The following GRM7 variants were observed in gnomAD, a reference collection of about 807,000 sequenced individuals.
The protein encoded by GRM7 is glutamate metabotropic receptor 7.
GRM7 carries 35 observed loss-of-function variants against 84.5 expected under a neutral mutation model. The ratio of observed to expected loss-of-function variants is 0.41; its 90% CI spans 0.32 to 0.55. The LOEUF (loss-of-function observed/expected upper bound fraction) is 0.55, where lower values mean the gene tolerates loss of function less well. GRM7 is among the 20% of genes least tolerant of loss of function. The pLI is 0.19. For synonymous variants in GRM7, 487 were observed against 455.1 expected, an observed-to-expected ratio of 1.07 and a Z score of -0.89; for missense variants, 1,003 against 1,194.6, an observed-to-expected ratio of 0.84 and a Z score of 2.36.
intron 7 of GRM7, among the ~76,000 whole-genome samples, chr3:7,534,177 C>A (rs1016908206): frequency 6.6e-6 from 1 of 152,066 alleles, no homozygotes; most frequent in Non-Finnish European, 1.5e-5. Flanking sequence ...CCACGCCTGG[C>A]TAATTTTTGT....
At chr3:7,333,063 T>C (rs1701271413) in intron 4 of GRM7, among the ~76,000 whole-genome samples, 1 of 152,070 alleles carries the variant, frequency 6.6e-6, no homozygotes, top group Non-Finnish European at 1.5e-5. Flanking sequence ...GTCAAGCCAT[T>C]ATAGCAACTC....
intron 1 of GRM7, among the ~76,000 whole-genome samples, chr3:7,054,261 A>G (rs1697127708): frequency 6.7e-6 from 1 of 149,620 alleles, no homozygotes; most frequent in Non-Finnish European, 1.5e-5. Flanking sequence ...TATGATATAT[A>G]TGATATATGA....
At chr3:7,099,668 G>C (rs570115953) in intron 1 of GRM7, among the ~76,000 whole-genome samples, 3 of 88,386 alleles carry the variant, frequency 3.4e-5, no homozygotes, top group African/African-American at 1.3e-4. Context: ...ATATGTACAC[G>C]CATTATACAT....
At position 7,093,977 on chromosome 3, in the gene GRM7, A is replaced by G. The variant is rs1368596295; in HGVS notation, c.520-52475A>G. 2.0e-5 allele frequency among the ~76,000 whole-genome samples: 3 copies of G among 152,100 alleles called. No homozygotes were observed. The East Asian group carries it at 5.8e-4, about 29-fold the overall frequency. ...TTTTCTTGCTATAAACTAATTAGACAGTTTAGGTAGCCATCTTTCCATCTT... is the reference window on the plus strand; with the variant it reads ...TTTTCTTGCTATAAACTAATTAGACGGTTTAGGTAGCCATCTTTCCATCTT... On this transcript the variant is annotated intron_variant, in intron 1 of 9. Coordinates refer to ENST00000357716, the MANE Select transcript of GRM7 (RefSeq NM_000844.4).
intron 1 of GRM7, among the ~76,000 whole-genome samples, chr3:7,014,493 C>T (rs1427541724): frequency 1.3e-5 from 2 of 151,934 alleles, no homozygotes; most frequent in African/African-American, 4.8e-5. Flanking sequence ...AGAGGTGCAC[C>T]ACCACGCCCA....
chr3:6,932,072 C>A (rs755321091), intron 1 of GRM7, among the ~76,000 whole-genome samples: 4 of 152,102 alleles, frequency 2.6e-5, no homozygotes, highest in African/African-American at 4.8e-5. Context: ...TAAAAATAAA[C>A]CTCAATAAAA....
At chr3:7,410,679 C>T (rs145368439) in intron 4 of GRM7, among the ~76,000 whole-genome samples, 6 of 151,608 alleles carry the variant, frequency 4.0e-5, no homozygotes, top group South Asian at 2.1e-4. Context: ...CACACACACA[C>T]GCACATTTTG....
At chr3:7,015,840 G>C (rs772192044) in intron 1 of GRM7, among the ~76,000 whole-genome samples, 2 of 152,194 alleles carry the variant, frequency 1.3e-5, no homozygotes, top group Non-Finnish European at 2.9e-5. Context: ...AAGGAGGCCA[G>C]AGTGCCTTTG....
intron 2 of GRM7, among the ~76,000 whole-genome samples, chr3:7,286,301 T>C (rs1699429351): frequency 6.6e-6 from 1 of 152,202 alleles, no homozygotes; most frequent in Non-Finnish European, 1.5e-5. Context: ...TTGGTATTTG[T>C]CGGGCCAGTT....
intron 8 of GRM7, 111 bp from the exon 9 acceptor site, chr3:7,679,938 G>A (rs1700296189): frequency 2.1e-6 from 2 of 953,214 alleles, no homozygotes; most frequent in Admixed American, 2.3e-5. Flanking sequence ...AAAATGCCCT[G>A]AAGATTGCTT....
chr3:7,381,820 A>G (rs1694603499), intron 4 of GRM7, among the ~76,000 whole-genome samples: 3 of 152,116 alleles, frequency 2.0e-5, no homozygotes, highest in South Asian at 2.1e-4. Flanking sequence ...TCTTAAAGTG[A>G]TAATAATGGG....
rs71043682 is a variant in GRM7 at position 7,644,159 on chromosome 3, TATATATATGTCTGTAC to T, written c.2452-35881_2452-35866del. The stretch of plus-strand genomic sequence containing the variant: ...GTGTATATATATGTCTGTACGTATA[TATATATATGTCTGTAC>T]ATATATATATGTCTGTACGTATATA... On this transcript the variant is annotated intron_variant, in intron 8 of 9. Coordinates refer to ENST00000357716, the MANE Select transcript of GRM7 (RefSeq NM_000844.4). Among the ~76,000 whole-genome samples the T allele has an allele frequency of 1.0e-3, 74 of 73,918 alleles. 25 individuals are homozygous for T. Among genetic ancestry groups the T allele is most frequent in the African/African-American group, 3.0e-3 (63 of 21,092 alleles). 48.5% of individuals were successfully genotyped at this position (73,918 alleles called of 152,430 possible).
At chr3:7,545,236 C>T (rs1213254395) in intron 7 of GRM7, among the ~76,000 whole-genome samples, 1 of 152,230 alleles carries the variant, frequency 6.6e-6, no homozygotes, top group African/African-American at 2.4e-5. Context: ...TTATTTTCCT[C>T]TTTTTATCTC....
At chr3:7,287,201 A>C (rs1575122053) in intron 2 of GRM7, among the ~76,000 whole-genome samples, 1 of 152,180 alleles carries the variant, frequency 6.6e-6, no homozygotes, top group Non-Finnish European at 1.5e-5. Context: ...TACTGCAGAA[A>C]AATCTTTCAA....
chr3:7,661,011 T>G (rs1699419808), intron 8 of GRM7, among the ~76,000 whole-genome samples: 1 of 152,176 alleles, frequency 6.6e-6, no homozygotes, highest in Non-Finnish European at 1.5e-5. Context: ...CTATAAAACT[T>G]CCAGAATAGA....
At chr3:7,005,443 T>G (rs1695151092) in intron 1 of GRM7, among the ~76,000 whole-genome samples, 1 of 152,262 alleles carries the variant, frequency 6.6e-6, no homozygotes, top group Non-Finnish European at 1.5e-5. Context: ...CTGGCACCTT[T>G]AAAGTTCTGA....
intron 4 of GRM7, among the ~76,000 whole-genome samples, chr3:7,336,751 G>A (rs991669511): frequency 2.0e-5 from 3 of 151,154 alleles, no homozygotes; most frequent in African/African-American, 7.3e-5. Flanking sequence ...CACCAAGAGC[G>A]ACCAAGCTGA....
At chr3:7,052,675 G>T (rs1162190585) in intron 1 of GRM7, among the ~76,000 whole-genome samples, 1 of 138,532 alleles carries the variant, frequency 7.2e-6, no homozygotes, top group African/African-American at 2.8e-5. Context: ...CTTTTATTCA[G>T]TTTATTGCTC....
intron 8 of GRM7, among the ~76,000 whole-genome samples, chr3:7,625,982 T>C (rs764579404): frequency 6.6e-6 from 1 of 152,126 alleles, no homozygotes. Flanking sequence ...AAGTTACAGA[T>C]TGTCCTTATA....
Sources: gnomAD v4.1 joint callset for allele counts (sites outside exome capture counted in the v4.1 genomes callset) on GRCh38, gnomAD v4.1.1 for gene constraint, MANE v1.5 for transcripts, NCBI Gene and HGNC (gene_info 2026-07-23, HGNC 2026-07-21) for gene names.